The following SDK1 variants were observed in gnomAD, a reference collection of about 807,000 sequenced individuals.
SDK1 encodes protein sidekick-1.
In SDK1, 157 loss-of-function variants were observed where a neutral mutation model predicts 245.5. The observed-to-expected ratio is 0.64, with a 90% CI of 0.56 to 0.73. The LOEUF (loss-of-function observed/expected upper bound fraction) is 0.73. Among genes scored for constraint, SDK1 ranks in the 30% least tolerant of loss-of-function variants. The pLI, the probability that SDK1 is intolerant of heterozygous loss-of-function variation, is 0.00. For synonymous variants in SDK1, 1,647 were observed against 1,278.5 expected (o/e 1.29, Z -6.15); for missense variants, 3,583 against 3,002.3 (o/e 1.19, Z -4.52).
chr7:4,136,152 G>A (rs576911689), intron 28 of SDK1, among the ~76,000 whole-genome samples: 3 of 152,162 alleles, frequency 2.0e-5, no homozygotes, highest in Non-Finnish European at 2.9e-5. Flanking sequence ...ACAGCACCGT[G>A]TCTACCTGCG....
At chr7:3,350,258 G>GA (rs1780623367) in intron 1 of SDK1, among the ~76,000 whole-genome samples, 1 of 152,060 alleles carries the variant, frequency 6.6e-6, no homozygotes, top group Non-Finnish European at 1.5e-5. Flanking sequence ...AATGAGTGTG[G>GA]AAAAAAACAA....
At chr7:3,539,721 A>C (rs946262671) in intron 1 of SDK1, among the ~76,000 whole-genome samples, 1 of 152,254 alleles carries the variant, frequency 6.6e-6, no homozygotes, top group African/African-American at 2.4e-5. Flanking sequence ...CATCCACATC[A>C]GGGTGAGTAG....
chr7:3,527,046 C>T (rs1020416140), intron 1 of SDK1, among the ~76,000 whole-genome samples: 2 of 152,152 alleles, frequency 1.3e-5, no homozygotes, highest in African/African-American at 4.8e-5. Flanking sequence ...CTGGTTTGGT[C>T]TGCTCTTGAT....
At chr7:3,604,454 C>T (rs1398788271) in intron 1 of SDK1, among the ~76,000 whole-genome samples, 1 of 152,142 alleles carries the variant, frequency 6.6e-6, no homozygotes, top group South Asian at 2.1e-4. Flanking sequence ...CTAATGTAAG[C>T]ATTTTAGTGC....
intron 1 of SDK1, among the ~76,000 whole-genome samples, chr7:3,430,967 C>G (rs1779828359): frequency 6.6e-6 from 1 of 152,178 alleles, no homozygotes; most frequent in Admixed American, 6.5e-5. Flanking sequence ...GTGGCTAGAT[C>G]TTGGCTTACT....
intron 4 of SDK1, among the ~76,000 whole-genome samples, chr7:3,777,072 A>C (rs1780588301): frequency 6.6e-6 from 1 of 152,142 alleles, no homozygotes; most frequent in African/African-American, 2.4e-5. Context: ...TTTCTCTAAA[A>C]TCTATTTTGT....
rs80336964 is a variant in SDK1, at chr7:3,793,142, T to C, written c.714-28308T>C. Among the ~76,000 whole-genome samples, 304 of 152,278 alleles carry C rather than the reference T, an allele frequency of 2.0e-3. 1 individual carries two copies. Among genetic ancestry groups the C allele is most frequent in the African/African-American group, 7.0e-3 (290 of 41,552 alleles). On this transcript the variant is annotated intron_variant, in intron 4 of 44. Transcript: ENST00000404826. ...GTTATGAAAAATATCTACCCAAATG[T>C]CCCTTTAAAAAGTTATATTTCCATG...
At chr7:4,095,973 T>C (rs1237874334) in intron 22 of SDK1, among the ~76,000 whole-genome samples, 1 of 152,214 alleles carries the variant, frequency 6.6e-6, no homozygotes, top group Admixed American at 6.5e-5. Context: ...CACCAGTCCC[T>C]AAGAGGGGTT....
intron 5 of SDK1, among the ~76,000 whole-genome samples, chr7:3,846,196 A>G (rs1313491742): frequency 6.6e-6 from 1 of 152,064 alleles, no homozygotes; most frequent in Admixed American, 6.5e-5. Flanking sequence ...TGCCCAACAC[A>G]TGCATGTACA....
chr7:4,118,081 A>G (rs952850121), intron 25 of SDK1, among the ~76,000 whole-genome samples: 7 of 152,212 alleles, frequency 4.6e-5, no homozygotes, highest in African/African-American at 1.4e-4. Context: ...GAAAAAGTAG[A>G]TACATTAGAC....
chr7:3,719,327 A>C (rs2115027407), intron 4 of SDK1, among the ~76,000 whole-genome samples: 1 of 152,024 alleles, frequency 6.6e-6, no homozygotes, highest in East Asian at 1.9e-4. Context: ...CAGGACCTAT[A>C]ATAACTAAAA....
Position 4,049,410 on chromosome 7 carries a change from C to A in SDK1, c.2665C>A (p.Leu889Met). The A allele has an allele frequency of 6.2e-7, 1 of 1,614,194 alleles. No individual in the cohort carries two copies. The highest frequency in any genetic ancestry group is 8.5e-7 in the Non-Finnish European group (1 of 1,180,040). Reference protein sequence around the residue: ...EAVNSTTIQFLWNPPPQQFIN... With the variant: ...EAVNSTTIQFMWNPPPQQFIN... ...CGTGAACTCCACCACCATTCAGTTC[C>A]TGTGGAACCCTCCGCCTCAGCAGTT... Residue 889 changes from leucine to methionine, a missense_variant, in exon 18 of 45, where the codon CTG (leucine) becomes ATG (methionine). Physicochemically the swap from Leu to Met is conservative, Grantham distance 15 (BLOSUM62 2). Transcript: ENST00000404826.
intron 4 of SDK1, among the ~76,000 whole-genome samples, chr7:3,702,981 G>T (rs1326425049): frequency 6.6e-6 from 1 of 151,512 alleles, no homozygotes; most frequent in Non-Finnish European, 1.5e-5. Context: ...ATGCGTTGCT[G>T]GTGGAGATAT....
intron 1 of SDK1, among the ~76,000 whole-genome samples, chr7:3,547,035 A>G (rs73296246): frequency 0.014 from 2,165 of 152,304 alleles, 40 homozygotes; most frequent in African/African-American, 0.042. Flanking sequence ...AGATTAAAAA[A>G]TGTAGCTCAT....
At chr7:3,321,790 T>C (rs1383080619) in intron 1 of SDK1, among the ~76,000 whole-genome samples, 17 of 86,316 alleles carry the variant, frequency 2.0e-4, no homozygotes, top group African/African-American at 8.5e-4. Context: ...CCTTCCTTCC[T>C]TCCTTCCTTC....
At chr7:3,766,223 A>T (rs946141835) in intron 4 of SDK1, among the ~76,000 whole-genome samples, 1 of 152,188 alleles carries the variant, frequency 6.6e-6, no homozygotes, top group Non-Finnish European at 1.5e-5. Context: ...CATTTGCATT[A>T]GTTAATATTA....
chr7:4,046,408 GT>G (rs1193137942), intron 17 of SDK1, among the ~76,000 whole-genome samples: 1 of 151,832 alleles, frequency 6.6e-6, no homozygotes, highest in Non-Finnish European at 1.5e-5. Flanking sequence ...TGTCATAACT[GT>G]TTTTTCCTAG....
chr7:3,713,973 T>C (rs1785127244), intron 4 of SDK1, among the ~76,000 whole-genome samples: 1 of 152,216 alleles, frequency 6.6e-6, no homozygotes, highest in African/African-American at 2.4e-5. Context: ...CCTCAGACCC[T>C]AATTCAAAGA....
At chr7:4,158,704 C>T (rs968643629) in intron 31 of SDK1, among the ~76,000 whole-genome samples, 153 bp downstream of exon 31, 5 of 152,192 alleles carry the variant, frequency 3.3e-5, no homozygotes, top group Non-Finnish European at 7.3e-5. Context: ...CGGAGGGTTT[C>T]CGCACAGCCT....
Sources: gnomAD v4.1 joint callset for allele counts (sites outside exome capture counted in the v4.1 genomes callset) on GRCh38, gnomAD v4.1.1 for gene constraint, MANE v1.5 for transcripts, NCBI Gene and HGNC (gene_info 2026-07-23, HGNC 2026-07-21) for gene names.